Variants in USH2A observed in about 807,000 individuals in gnomAD.
USH2A encodes the protein usherin.
A neutral mutation model predicts 538.9 loss-of-function variants in USH2A; 443 were observed. That is an observed-to-expected ratio of 0.82 (90% CI 0.76 to 0.89). The LOEUF (loss-of-function observed/expected upper bound fraction) is 0.89. USH2A is among the 40% of genes least tolerant of loss of function. USH2A has a pLI of 0.00. For missense variants in USH2A, 6,633 were observed against 6,324.8 expected, an observed-to-expected ratio of 1.05 and a Z score of -1.65; for synonymous variants, 2,413 against 2,273.5, an observed-to-expected ratio of 1.06 and a Z score of -1.75.
At chr1:216,004,742 A>G (rs1178174743) in intron 32 of USH2A, among the ~76,000 whole-genome samples, 1 of 152,212 alleles carries the variant, frequency 6.6e-6, no homozygotes, top group African/African-American at 2.4e-5. Flanking sequence ...GGGATGACCC[A>G]CTAGTGAAGG....
chr1:215,878,038 CG>C (rs111677720), intron 42 of USH2A, among the ~76,000 whole-genome samples, 158 bp from the exon 43 acceptor site: 240 of 151,860 alleles, frequency 1.6e-3, no homozygotes, highest in Non-Finnish European at 1.9e-3. Flanking sequence ...TTCAGATGAA[CG>C]TTTTTTTTTC....
chr1:215,860,908 C>T (rs1166209570), intron 44 of USH2A, among the ~76,000 whole-genome samples: 4 of 152,206 alleles, frequency 2.6e-5, no homozygotes, highest in African/African-American at 9.6e-5. Flanking sequence ...CTTGATCTTG[C>T]TCGCAGAATC....
Position 216,251,111 on chromosome 1 carries a change from C to A in USH2A, c.1972-13G>T, listed in dbSNP as rs1347739121. The A allele has an allele frequency of 6.2e-7, 1 of 1,613,372 alleles. No individual in the cohort carries two copies. Among genetic ancestry groups the A allele is most frequent in the South Asian group, 1.1e-5 (1 of 91,044 alleles). ...ACTGTCCTCCAATCTAGAGAAGATA[C>A]AACATTTTGTAGAATGATGAACGTA... On this transcript the variant is annotated splice_polypyrimidine_tract_variant and intron_variant, in intron 11 of 71. Coordinates refer to ENST00000307340, the MANE Select transcript of USH2A (RefSeq NM_206933.4).
rs145462233 is a variant in USH2A at position 216,269,712 on chromosome 1, G to C, written c.1972-18614C>G. On this transcript the variant is annotated intron_variant, in intron 11 of 71. Transcript: ENST00000307340. ...GTAAGTTTCTTTGTTAGCACTGATG[G>C]TCACTAATGTTTGCTGCATATTGCC... Among the ~76,000 whole-genome samples the C allele has an allele frequency of 3.3e-3, 497 of 152,212 alleles. 3 individuals are homozygous for C. The highest frequency in any genetic ancestry group is 0.012 in the African/African-American group (483 of 41,554).
chr1:216,169,713 G>C (rs1449914852), intron 21 of USH2A, among the ~76,000 whole-genome samples: 1 of 152,104 alleles, frequency 6.6e-6, no homozygotes, highest in Non-Finnish European at 1.5e-5. Flanking sequence ...ACACAGCAGA[G>C]TTTTGTCACT....
chr1:216,352,564 G>C lies in USH2A; in HGVS notation c.784+12389C>G, dbSNP rs183169738. ...GGCTCCTATGGTTGAATATACTTTG[G>C]TGAAGTTTTGCTAAAAGGAGAGCAA... On this transcript the variant is annotated intron_variant, in intron 4 of 71. Transcript: ENST00000307340. Among the ~76,000 whole-genome samples, 52 of 152,202 alleles carry C rather than the reference G, an allele frequency of 3.4e-4. No individual in the cohort carries two copies. In the East Asian group the frequency reaches 9.3e-3, roughly 27 times the overall value.
chr1:215,978,447 C>G (rs634691), intron 35 of USH2A, among the ~76,000 whole-genome samples: 1 of 152,102 alleles, frequency 6.6e-6, no homozygotes, highest in Admixed American at 6.6e-5. Flanking sequence ...CTCTGGTTCT[C>G]AAAGCAATCA....
In USH2A at chr1:216,081,634, C is replaced by G. The variant is rs143232831; in HGVS notation, c.5298+1822G>C. Among the ~76,000 whole-genome samples the G allele has an allele frequency of 1.1e-4, 16 of 152,206 alleles. No homozygotes were observed. In the East Asian group the frequency reaches 3.1e-3, roughly 29 times the overall value. On this transcript the variant is annotated intron_variant, in intron 26 of 71. Transcript: ENST00000307340. Reference sequence around the variant, plus strand: ...TGTTTTGAGACAGAGCTCTCTTGCCCAGGCTGGAGTGCAGAGGTGCAATCA... The same window carrying G: ...TGTTTTGAGACAGAGCTCTCTTGCCGAGGCTGGAGTGCAGAGGTGCAATCA...
At chr1:216,397,421 C>A (rs78803693) in intron 3 of USH2A, among the ~76,000 whole-genome samples, 2 of 152,084 alleles carry the variant, frequency 1.3e-5, no homozygotes, top group Non-Finnish European at 2.9e-5. Context: ...GTATCTATTG[C>A]GGTGTTTCCA....
chr1:215,781,002 C>T (rs1661618983), intron 54 of USH2A, among the ~76,000 whole-genome samples: 1 of 152,328 alleles, frequency 6.6e-6, no homozygotes, highest in Non-Finnish European at 1.5e-5. Flanking sequence ...TCTGTCAAGG[C>T]TGGCTTCTAT....
At chr1:216,153,021 A>G (rs2033870309) in intron 21 of USH2A, among the ~76,000 whole-genome samples, 1 of 152,156 alleles carries the variant, frequency 6.6e-6, no homozygotes, top group Admixed American at 6.5e-5. Flanking sequence ...TTAGTCAGAG[A>G]GGAGATTGGC....
intron 4 of USH2A, among the ~76,000 whole-genome samples, chr1:216,336,222 T>A (rs1007803431): frequency 7.9e-5 from 12 of 151,434 alleles, no homozygotes; most frequent in Admixed American, 4.6e-4. Flanking sequence ...ATAAAATTTT[T>A]AAAAAGCAAC....
chr1:216,349,513 T>G (rs2038237457), intron 4 of USH2A, among the ~76,000 whole-genome samples: 1 of 152,082 alleles, frequency 6.6e-6, no homozygotes, highest in Non-Finnish European at 1.5e-5. Context: ...CAGATTGCAG[T>G]AAAGAAGCCA....
chr1:216,176,599 C>G (rs775947307), intron 20 of USH2A, among the ~76,000 whole-genome samples: 1 of 152,118 alleles, frequency 6.6e-6, no homozygotes, highest in Admixed American at 6.6e-5. Flanking sequence ...GGGGCTCACA[C>G]GTGGTGTTTA....
At chr1:216,217,290 C>T (rs921163701) in intron 15 of USH2A, 97 bp downstream of exon 15, 16 of 1,511,118 alleles carry the variant, frequency 1.1e-5, no homozygotes, top group Non-Finnish European at 1.5e-5. Context: ...TGTACTAAGC[C>T]TTTCTGATGG....
chr1:216,335,303 A>G (rs931938247), intron 4 of USH2A, among the ~76,000 whole-genome samples: 1 of 151,662 alleles, frequency 6.6e-6, no homozygotes, highest in Admixed American at 6.6e-5. Context: ...GTTTAAAGTG[A>G]TATTTAGAGC....
At chr1:216,147,354 C>T (rs951630834) in intron 21 of USH2A, among the ~76,000 whole-genome samples, 109 of 152,246 alleles carry the variant, frequency 7.2e-4, no homozygotes, top group African/African-American at 2.6e-3. Context: ...ACTAGCCCTC[C>T]CCCACCTGCC....
At chr1:215,994,608 A>T (rs995956485) in intron 34 of USH2A, among the ~76,000 whole-genome samples, 1 of 152,128 alleles carries the variant, frequency 6.6e-6, no homozygotes, top group Non-Finnish European at 1.5e-5. Flanking sequence ...CTGAGCATGA[A>T]AATTGCATTA....
chr1:215,684,114 A>G (rs1010243241), intron 61 of USH2A, among the ~76,000 whole-genome samples: 1 of 152,182 alleles, frequency 6.6e-6, no homozygotes, highest in Non-Finnish European at 1.5e-5. Context: ...TTAACTTTAT[A>G]TGCATGAAGG....
Sources: allele counts gnomAD v4.1 joint callset (sites outside exome capture counted in the v4.1 genomes callset), GRCh38; gene constraint gnomAD v4.1.1; transcripts MANE v1.5; gene names NCBI Gene and HGNC (gene_info 2026-07-23, HGNC 2026-07-21).